ENTREP2: variants seen among roughly 807,000 people sequenced by gnomAD.
ENTREP2 encodes the protein endosomal transmembrane epsin interactor 2.
the ENTREP2 span, among the ~76,000 whole-genome samples, chr15:29,447,380 T>C: frequency 6.6e-6 from 1 of 152,230 alleles, no homozygotes; most frequent in African/African-American, 2.4e-5. Flanking sequence ...GAGCTCTGCA[T>C]AGCACAGTCT....
chr15:29,239,948 A>G, the ENTREP2 span, among the ~76,000 whole-genome samples: 18 of 152,174 alleles, frequency 1.2e-4, no homozygotes, highest in African/African-American at 3.6e-4. Flanking sequence ...AATAAGATAT[A>G]TTCCTTCCCT....
chr15:29,135,301 T>C, the ENTREP2 span, among the ~76,000 whole-genome samples: 1 of 152,236 alleles, frequency 6.6e-6, no homozygotes, highest in Admixed American at 6.5e-5. The surrounding 1 kb of genome is among the most constrained non-coding windows in gnomAD (Gnocchi z 7.4). Flanking sequence ...ATTGGGGCAA[T>C]GTTCATGGAT....
chr15:29,631,050 G>A, the ENTREP2 span, among the ~76,000 whole-genome samples: 2 of 152,146 alleles, frequency 1.3e-5, no homozygotes, highest in Non-Finnish European at 2.9e-5. Context: ...AAGCTAGTAC[G>A]GAGCTCATTC....
the ENTREP2 span, among the ~76,000 whole-genome samples, chr15:29,527,982 T>G: frequency 6.6e-6 from 1 of 152,098 alleles, no homozygotes; most frequent in Non-Finnish European, 1.5e-5. Flanking sequence ...CTGAGGCCTC[T>G]CTGCACACAT....
chr15:29,174,557 C>T, the ENTREP2 span, among the ~76,000 whole-genome samples: 11 of 152,096 alleles, frequency 7.2e-5, no homozygotes, highest in East Asian at 5.8e-4. Context: ...GGCATGGTGG[C>T]GGGCGCCTGT....
chr15:29,262,853 C>A, the ENTREP2 span, among the ~76,000 whole-genome samples: 5 of 152,290 alleles, frequency 3.3e-5, no homozygotes, highest in Non-Finnish European at 2.9e-5. Context: ...CCTGTGGGAT[C>A]TGACACTATC....
At chr15:29,171,248 A>G in the ENTREP2 span, among the ~76,000 whole-genome samples, 19 of 152,330 alleles carry the variant, frequency 1.2e-4, no homozygotes, top group Middle Eastern at 3.4e-3. Flanking sequence ...GAACTGATTA[A>G]GACAGTGGGC....
chr15:29,568,135 A>G, the ENTREP2 span, among the ~76,000 whole-genome samples: 1 of 152,264 alleles, frequency 6.6e-6, no homozygotes, highest in East Asian at 1.9e-4. Context: ...TGTTGTAGAC[A>G]ACAGATGAAA....
At chr15:29,203,504 T>C in the ENTREP2 span, among the ~76,000 whole-genome samples, 70 of 152,330 alleles carry the variant, frequency 4.6e-4, no homozygotes, top group African/African-American at 1.6e-3. Flanking sequence ...TGGCATGAGA[T>C]GGTATCTCAT....
chr15:29,644,232 G>A, the ENTREP2 span, among the ~76,000 whole-genome samples: 71 of 152,258 alleles, frequency 4.7e-4, no homozygotes, highest in African/African-American at 1.4e-3. Context: ...GTCCAGAACC[G>A]GCAGGTCTTT....
the ENTREP2 span, among the ~76,000 whole-genome samples, chr15:29,653,862 T>A: frequency 6.6e-6 from 1 of 151,904 alleles, no homozygotes; most frequent in Non-Finnish European, 1.5e-5. Flanking sequence ...GCATTTTCCA[T>A]CTAAGAGTGT....
the ENTREP2 span, among the ~76,000 whole-genome samples, chr15:29,600,483 C>CATCAATCATCATCATT: frequency 2.0e-5 from 3 of 150,364 alleles, no homozygotes; most frequent in African/African-American, 7.3e-5. Flanking sequence ...TCATCATCAT[C>CATCAATCATCATCATT]GTCATCTCAT....
the ENTREP2 span, among the ~76,000 whole-genome samples, chr15:29,207,375 T>C: frequency 1.4e-5 from 2 of 142,670 alleles, no homozygotes; most frequent in Non-Finnish European, 3.0e-5. Context: ...AAAGAGTGAG[T>C]GATAACAAAG....
At chr15:29,414,343 A>T in the ENTREP2 span, among the ~76,000 whole-genome samples, 1 of 152,148 alleles carries the variant, frequency 6.6e-6, no homozygotes, top group Non-Finnish European at 1.5e-5. Flanking sequence ...GGATTAAGAA[A>T]CTCACTCAAA....
chr15:29,470,560 T>C, the ENTREP2 span, among the ~76,000 whole-genome samples: 4 of 152,100 alleles, frequency 2.6e-5, no homozygotes, highest in African/African-American at 7.2e-5. Context: ...AACCATATGG[T>C]CTTTTCCAGG....
chr15:29,479,429 G>A, the ENTREP2 span, among the ~76,000 whole-genome samples: 1 of 151,822 alleles, frequency 6.6e-6, no homozygotes, highest in African/African-American at 2.4e-5. Flanking sequence ...TCTTTATAGC[G>A]ACACAAGAAG....
the ENTREP2 span, among the ~76,000 whole-genome samples, chr15:29,553,061 C>T: frequency 0.34 from 52,404 of 151,950 alleles, 9,144 homozygotes; most frequent in East Asian, 0.41. Flanking sequence ...TTTGGGAGGC[C>T]AAGGCGGGCA....
the ENTREP2 span, among the ~76,000 whole-genome samples, chr15:29,217,640 G>A: frequency 1.7e-4 from 26 of 152,162 alleles, no homozygotes; most frequent in Admixed American, 9.2e-4. Context: ...CTATTTCCAT[G>A]AATATTTCTC....
chr15:29,325,487 A>T, the ENTREP2 span, among the ~76,000 whole-genome samples: 1 of 152,106 alleles, frequency 6.6e-6, no homozygotes, highest in Non-Finnish European at 1.5e-5. Context: ...TATACCTCTA[A>T]ATTTGACAAA....
Sources: allele counts gnomAD v4.1 joint callset (sites outside exome capture counted in the v4.1 genomes callset), GRCh38; gene constraint gnomAD v4.1.1; non-coding constraint Gnocchi (gnomAD v3.1); transcripts MANE v1.5; gene names NCBI Gene and HGNC (gene_info 2026-07-23, HGNC 2026-07-21).